TAF7L: variants seen among roughly 807,000 people sequenced by gnomAD.
TAF7L encodes TATA-box binding protein associated factor 7 like, also known as transcription initiation factor TFIID subunit 7-like.
In TAF7L, 6 loss-of-function variants were observed where a neutral mutation model predicts 30.2. That is an observed-to-expected ratio of 0.20 (90% confidence interval 0.11 to 0.39). TAF7L has a LOEUF of 0.39. TAF7L is among the 10% of genes least tolerant of loss of function. The pLI is 1.00. For synonymous variants in TAF7L, 93 were observed against 94.5 expected, an observed-to-expected ratio of 0.98 and a Z score of 0.09; for missense variants, 284 against 277.1, an observed-to-expected ratio of 1.03 and a Z score of -0.18.
chrX:101,281,822 C>T (rs1169749808), intron 5 of TAF7L, 47 bp from the exon 6 acceptor site: 3 of 1,084,797 alleles, frequency 2.8e-6, no homozygotes, highest in Non-Finnish European at 2.6e-6. Flanking sequence ...TGATGGTAGT[C>T]ACATAGCTGA....
At chrX:101,277,253 A>G (rs1924227781) in intron 9 of TAF7L, among the ~76,000 whole-genome samples, 1 of 103,009 alleles carries the variant, frequency 9.7e-6, no homozygotes, top group Non-Finnish European at 2.0e-5. Flanking sequence ...GAGGTCTGGA[A>G]TTCAAGACCA....
intron 5 of TAF7L, 53 bp from the exon 6 acceptor site, chrX:101,281,828 G>T: frequency 9.5e-7 from 1 of 1,052,897 alleles, no homozygotes; most frequent in African/African-American, 1.8e-5. Context: ...TAGTCACATA[G>T]CTGAATTTGA....
At position 101,278,906 on chromosome X, in the gene TAF7L, T is replaced by G. The variant is rs533472671; in HGVS notation, c.504+88A>C. On this transcript the variant is annotated intron_variant, in intron 7 of 12. Transcript: ENST00000356784. ...AGAAGGAAGGCTCAAAAGTAGCTTC[T>G]GTGGTTTATTTGATTCATTTGAAAC... 4.7e-6 allele frequency: 4 copies of G among 859,901 alleles called. No homozygotes were observed. In the South Asian group the frequency reaches 6.9e-5, roughly 15 times the overall value. The allele number at this position is 859,901 out of a possible 1,213,427, so 70.9% of individuals were successfully genotyped here.
intron 6 of TAF7L, among the ~76,000 whole-genome samples, chrX:101,279,316 T>C (rs1828427938): frequency 8.9e-6 from 1 of 112,213 alleles, no homozygotes; most frequent in Admixed American, 9.5e-5. Context: ...ATTCTAAAAT[T>C]TATATTAAAA....
chrX:101,275,381 G>A (rs758417060), intron 11 of TAF7L, 100 bp from the exon 12 acceptor site: 6 of 633,700 alleles, frequency 9.5e-6, no homozygotes, highest in Non-Finnish European at 4.7e-6. Context: ...TTTTGTTTTT[G>A]TTTTTGAGGC....
chrX:101,275,890 AG>A, intron 11 of TAF7L, 109 bp downstream of exon 11: 1 of 517,608 alleles, frequency 1.9e-6, no homozygotes, highest in Non-Finnish European at 3.1e-6. Flanking sequence ...GAGGCTGTTT[AG>A]GTTCATGAAT....
chrX:101,292,483 C>T (rs1377268322), upstream of TAF7L, among the ~76,000 whole-genome samples: 2 of 102,394 alleles, frequency 2.0e-5, no homozygotes, highest in Non-Finnish European at 3.9e-5. Flanking sequence ...CTTTTGGTTG[C>T]TCCTCGACTC....
chrX:101,275,351 G>T, intron 11 of TAF7L, 70 bp from the exon 12 acceptor site: 1 of 778,245 alleles, frequency 1.3e-6, no homozygotes, highest in Non-Finnish European at 1.8e-6. Context: ...AGGGAGGCAA[G>T]GAGTTTGGCA....
Position 101,275,263 on chromosome X carries a change from G to T in TAF7L, c.1045C>A (p.Leu349Met). The T allele has an allele frequency of 8.6e-7, 1 of 1,169,247 alleles. No individual in the cohort carries two copies. Residue 349 changes from leucine to methionine, a missense_variant, in exon 12 of 13, where the codon CTG becomes ATG. Physicochemically the swap from Leu to Met is conservative, Grantham distance 15. Coordinates refer to ENST00000356784, the MANE Select transcript of TAF7L (RefSeq NM_001168474.2). ...LTLKNHFQSV[L>M]EQLELQEKQK... is the part of the protein sequence containing the mutation. ...TTTTCCTGTAACTCAAGCTGCTCCA[G>T]CACAGACTGAAAATGATTCTGAAAA...
At chrX:101,278,015 C>A in intron 8 of TAF7L, 34 bp downstream of exon 8, 1 of 1,166,519 alleles carries the variant, frequency 8.6e-7, no homozygotes, top group Non-Finnish European at 1.2e-6. Flanking sequence ...TGGGGCAGAA[C>A]AGACTATGCA....
intron 9 of TAF7L, 103 bp downstream of exon 9, chrX:101,277,503 G>GGGT: frequency 3.1e-6 from 1 of 321,347 alleles, no homozygotes; most frequent in Non-Finnish European, 5.2e-6. Flanking sequence ...TTTTTTCTGG[G>GGGT]TTTTTTTTTT....
In TAF7L at chrX:101,286,566, A is replaced by C. The variant is rs1924610339; in HGVS notation, c.145+9T>G. 1.7e-6 allele frequency: 2 copies of C among 1,173,008 alleles called. No individual in the cohort carries two copies. Among genetic ancestry groups the C allele is most frequent in the Non-Finnish European group, 2.3e-6 (2 of 862,260 alleles). Reference sequence around the variant, plus strand: ...TTCAATGTATAGTGAATGGATATTAACTACTTACGCAATAAGTCAATTTTT... The same window carrying C: ...TTCAATGTATAGTGAATGGATATTACCTACTTACGCAATAAGTCAATTTTT... On this transcript the variant is annotated intron_variant, in intron 3 of 12. Transcript: ENST00000356784.
chrX:101,292,506 C>T (rs911701055), upstream of TAF7L, among the ~76,000 whole-genome samples: 54 of 104,723 alleles, frequency 5.2e-4, no homozygotes, highest in Non-Finnish European at 3.7e-4. Flanking sequence ...TTAGGTCGGA[C>T]GGTTTGTCCC....
chrX:101,288,577 G>A (rs1439919446), intron 1 of TAF7L, among the ~76,000 whole-genome samples: 3 of 97,538 alleles, frequency 3.1e-5, no homozygotes, highest in African/African-American at 1.2e-4. Flanking sequence ...ACCCTTTATT[G>A]TGTGCATTCT....
At chrX:101,292,414 G>A (rs1180082510), upstream of TAF7L, among the ~76,000 whole-genome samples, 1 of 91,066 alleles carries the variant, frequency 1.1e-5, no homozygotes, top group East Asian at 3.6e-4. Context: ...ACTCCAGCCT[G>A]GGCAACAAGA....
chrX:101,276,259 A>T (rs772068013), intron 10 of TAF7L, 48 bp downstream of exon 10: 3 of 1,207,381 alleles, frequency 2.5e-6, no homozygotes, highest in Non-Finnish European at 3.4e-6. Flanking sequence ...GTCAACTGTT[A>T]GCACTGCCAC....
intron 9 of TAF7L, 112 bp downstream of exon 9, chrX:101,277,491 CTTT>C (rs1924244282): frequency 2.8e-6 from 1 of 363,078 alleles, no homozygotes. Flanking sequence ...CGAAACCATC[CTTT>C]TTTTCTGGGT....
intron 12 of TAF7L, among the ~76,000 whole-genome samples, chrX:101,270,748 C>T (rs1380903811): frequency 2.7e-5 from 3 of 111,547 alleles, no homozygotes; most frequent in Non-Finnish European, 3.8e-5. Flanking sequence ...TTTGCTTCTA[C>T]CACTTGCACC....
chrX:101,281,531 T>G (rs1924408279), intron 6 of TAF7L, among the ~76,000 whole-genome samples, 189 bp downstream of exon 6: 1 of 111,933 alleles, frequency 8.9e-6, no homozygotes, highest in African/African-American at 3.2e-5. Context: ...AAGGATCAGG[T>G]CTTTTTATTC....
Sources: gnomAD v4.1 joint callset for allele counts (sites outside exome capture counted in the v4.1 genomes callset) on GRCh38, gnomAD v4.1.1 for gene constraint, MANE v1.5 for transcripts, NCBI Gene and HGNC (gene_info 2026-07-23, HGNC 2026-07-21) for gene names.